ANKFN1: variants seen among roughly 807,000 people sequenced by gnomAD.
ANKFN1 encodes ankyrin repeat and fibronectin type III domain containing 1.
ANKFN1 carries 74 observed loss-of-function variants against 108.7 expected under a neutral mutation model. The observed-to-expected ratio is 0.68, with a 90% CI of 0.56 to 0.83. ANKFN1 has a LOEUF of 0.83. Among genes scored for constraint, ANKFN1 ranks in the 40% least tolerant of loss-of-function variants. The pLI is 0.00. For synonymous variants in ANKFN1, 547 were observed against 516.2 expected (o/e 1.06, Z -0.81); for missense variants, 1,505 against 1,382.3 (o/e 1.09, Z -1.41).
intron 1 of ANKFN1, among the ~76,000 whole-genome samples, chr17:56,209,056 G>A (rs917753947): frequency 6.6e-6 from 1 of 151,888 alleles, no homozygotes; most frequent in Admixed American, 6.6e-5. Context: ...AACTTTTCAG[G>A]TTTATATCCT....
chr17:56,298,010 TCA>T (rs2044562655), intron 3 of ANKFN1, among the ~76,000 whole-genome samples: 1 of 152,162 alleles, frequency 6.6e-6, no homozygotes, highest in Non-Finnish European at 1.5e-5. Flanking sequence ...GCAGTGGATC[TCA>T]GAGTGCGGTC....
chr17:56,227,842 A>G (rs918221628), intron 2 of ANKFN1, 75 bp from the exon 3 acceptor site: 1 of 1,222,136 alleles, frequency 8.2e-7, no homozygotes, highest in African/African-American at 1.5e-5. Context: ...AGTGGCTTCA[A>G]ACGTGACTCC....
At chr17:56,482,804 G>T (rs2050753462) in intron 18 of ANKFN1, among the ~76,000 whole-genome samples, 1 of 152,120 alleles carries the variant, frequency 6.6e-6, no homozygotes, top group African/African-American at 2.4e-5. Flanking sequence ...CCTCCCTTCT[G>T]CTTTCTTAAA....
chr17:56,093,050 T>G (rs1195578092), intron 4 of ANKFN1, among the ~76,000 whole-genome samples: 1 of 151,108 alleles, frequency 6.6e-6, no homozygotes, highest in Non-Finnish European at 1.5e-5. Flanking sequence ...ATTAATAATT[T>G]TAATCATATC....
intron 4 of ANKFN1, among the ~76,000 whole-genome samples, chr17:56,113,561 G>T (rs918440488): frequency 6.6e-6 from 1 of 152,184 alleles, no homozygotes; most frequent in South Asian, 2.1e-4. Flanking sequence ...CCATGGACAA[G>T]TTACACACCT....
At chr17:56,372,935 CAG>C in intron 7 of ANKFN1, 95 bp downstream of exon 7, 2 of 1,291,496 alleles carry the variant, frequency 1.5e-6, no homozygotes, top group East Asian at 4.7e-5. Flanking sequence ...TTCAGCTCTA[CAG>C]AGTCATGGAT....
chr17:56,101,219 C>T (rs1351797108), intron 4 of ANKFN1, among the ~76,000 whole-genome samples: 1 of 152,140 alleles, frequency 6.6e-6, no homozygotes, highest in Non-Finnish European at 1.5e-5. Context: ...CTGGTTAATC[C>T]ACCAGTGTAT....
chr17:56,411,291 C>T (rs539297555), intron 8 of ANKFN1, among the ~76,000 whole-genome samples: 1 of 152,126 alleles, frequency 6.6e-6, no homozygotes, highest in African/African-American at 2.4e-5. Context: ...TTTTCAGATA[C>T]TTTGTTTTTA....
At chr17:56,188,226 A>G (rs1050294884) in intron 1 of ANKFN1, among the ~76,000 whole-genome samples, 3 of 152,094 alleles carry the variant, frequency 2.0e-5, no homozygotes, top group Non-Finnish European at 4.4e-5. Context: ...TTAATTTCCC[A>G]GTGTTTCTGT....
At chr17:56,474,140 T>G (rs1284873510) in intron 15 of ANKFN1, among the ~76,000 whole-genome samples, 1 of 152,192 alleles carries the variant, frequency 6.6e-6, no homozygotes, top group Non-Finnish European at 1.5e-5. Context: ...CATTCTTGAT[T>G]TCTTTGTCCA....
At chr17:56,120,569 G>C (rs988333231) in intron 4 of ANKFN1, among the ~76,000 whole-genome samples, 18 of 152,104 alleles carry the variant, frequency 1.2e-4, no homozygotes, top group Non-Finnish European at 2.1e-4. Context: ...ATGCCCACCT[G>C]ATTACTGCCG....
At chr17:56,216,729 A>G (rs1567843529) in intron 2 of ANKFN1, among the ~76,000 whole-genome samples, 1 of 152,200 alleles carries the variant, frequency 6.6e-6, no homozygotes, top group Admixed American at 6.5e-5. Flanking sequence ...GCCTCAGTTT[A>G]CCTATCTGTA....
intron 12 of ANKFN1, 74 bp from the exon 13 acceptor site, chr17:56,457,183 C>T: frequency 7.0e-7 from 1 of 1,419,174 alleles, no homozygotes; most frequent in South Asian, 1.4e-5. Flanking sequence ...TTAAATTCAT[C>T]TTTTATCACA....
intron 14 of ANKFN1, among the ~76,000 whole-genome samples, chr17:56,460,942 C>G (rs1022860415): frequency 1.6e-4 from 24 of 152,272 alleles, no homozygotes; most frequent in African/African-American, 5.5e-4. Context: ...ACTTTTGCTA[C>G]CATGATGCAT....
At chr17:56,372,274 G>A (rs149755063) in intron 6 of ANKFN1, among the ~76,000 whole-genome samples, 220 of 152,246 alleles carry the variant, frequency 1.4e-3, no homozygotes, top group African/African-American at 4.6e-3. Flanking sequence ...ACGGAGTTTT[G>A]CCCCTACATG....
chr17:56,422,609 T>C (rs925511612), intron 8 of ANKFN1, among the ~76,000 whole-genome samples: 2 of 152,192 alleles, frequency 1.3e-5, no homozygotes, highest in Non-Finnish European at 2.9e-5. Flanking sequence ...ATTCGAAACC[T>C]TGAAGCGCAA....
intron 3 of ANKFN1, among the ~76,000 whole-genome samples, chr17:56,281,832 T>C (rs2044090925): frequency 6.6e-6 from 1 of 152,160 alleles, no homozygotes; most frequent in Admixed American, 6.5e-5. Context: ...ATACTGACAA[T>C]ACCAAATGTT....
upstream of ANKFN1, among the ~76,000 whole-genome samples, chr17:56,151,558 G>A (rs182960243): frequency 1.3e-5 from 2 of 152,166 alleles, no homozygotes; most frequent in Admixed American, 1.3e-4. Flanking sequence ...CTTAAATGGG[G>A]CCTCTTTAGA....
Position 56,354,009 on chromosome 17 carries a change from G to T in ANKFN1, c.564G>T (p.Arg188Ser), listed in dbSNP as rs1409135948. 2 of 1,613,922 alleles carry T rather than the reference G, an allele frequency of 1.2e-6. No individual in the cohort carries two copies. The highest frequency in any genetic ancestry group is 3.3e-4 in the Middle Eastern group (2 of 6,056). Residue 188 changes from arginine to serine, a missense_variant, in exon 6 of 21, where the codon AGG (arginine) becomes AGT (serine). Arg to Ser is a moderately radical substitution (Grantham distance 110). Transcript: ENST00000682825. ...AIMTNNVPIA[R>S]ILLRTGARES... ...TGACCAACAATGTGCCCATTGCAAG[G>T]ATTCTTCTGAGGACAGGGGCCCGAG...
Sources: gnomAD v4.1 joint callset for allele counts (sites outside exome capture counted in the v4.1 genomes callset) on GRCh38, gnomAD v4.1.1 for gene constraint, MANE v1.5 for transcripts, NCBI Gene and HGNC (gene_info 2026-07-23, HGNC 2026-07-21) for gene names.